The following DSCAM variants were observed in gnomAD, a reference collection of about 807,000 sequenced individuals.
DSCAM encodes DS cell adhesion molecule.
In DSCAM, 47 loss-of-function variants were observed where a neutral mutation model predicts 217.7. That is an observed-to-expected ratio of 0.22 (90% CI 0.17 to 0.28). The LOEUF is 0.28. Among genes scored for constraint, DSCAM ranks in the 10% least tolerant of loss-of-function variants. The probability of loss-of-function intolerance (pLI) is 1.00; values close to 1 mark genes in which losing one functional copy is unlikely to be tolerated. For missense variants in DSCAM, 2,080 were observed against 2,618.3 expected (o/e 0.79, Z 4.49); for synonymous variants, 1,056 against 1,015.3 (o/e 1.04, Z -0.76).
chr21:40,274,356 T>A (rs2123374798), intron 11 of DSCAM, among the ~76,000 whole-genome samples: 1 of 152,312 alleles, frequency 6.6e-6, no homozygotes, highest in Non-Finnish European at 1.5e-5. Flanking sequence ...TTGTAATCAG[T>A]GGCTTCTATC....
At chr21:40,614,975 T>C in intron 3 of DSCAM, among the ~76,000 whole-genome samples, 1 of 151,432 alleles carries the variant, frequency 6.6e-6, no homozygotes. Context: ...ACATTATGTA[T>C]ATATGTATGC....
intron 4 of DSCAM, among the ~76,000 whole-genome samples, chr21:40,359,677 G>C (rs991945637): frequency 1.2e-4 from 18 of 152,170 alleles, no homozygotes; most frequent in African/African-American, 4.1e-4. Context: ...AACAACATGG[G>C]TGCTGCATGA....
At chr21:40,357,822 T>C (rs574653255) in intron 4 of DSCAM, among the ~76,000 whole-genome samples, 1 of 151,264 alleles carries the variant, frequency 6.6e-6, no homozygotes, top group South Asian at 2.1e-4. Context: ...GTAACGAACC[T>C]GCACGTTGTG....
chr21:40,732,970 C>T (rs73360433), intron 1 of DSCAM, among the ~76,000 whole-genome samples: 7,676 of 152,196 alleles, frequency 0.05, 625 homozygotes, highest in African/African-American at 0.17. Flanking sequence ...GCAATTACAG[C>T]GACAGTTAAA....
At position 40,133,931 on chromosome 21, in the gene DSCAM, C is replaced by G. The variant is rs765535612; in HGVS notation, c.3485G>C (p.Ser1162Thr). The G allele has an allele frequency of 6.2e-7, 1 of 1,613,532 alleles. No homozygotes were observed. Among genetic ancestry groups the G allele is most frequent in the Non-Finnish European group, 8.5e-7 (1 of 1,179,736 alleles). The stretch of plus-strand genomic sequence containing the variant: ...GCGGGTGAAGGCCAGCACCTGGATG[C>G]TGTAGTTGGTGTACTTTTCCAGCCC... ...LDGLEKYTNYSIQVLAFTRAG... is the reference protein window; with the variant it reads ...LDGLEKYTNYTIQVLAFTRAG... The change falls in exon 19 of 33, where the codon AGC (serine) becomes ACC (threonine). Residue 1162 changes from serine (S) to threonine (T), a missense_variant. Transcript: ENST00000400454.
chr21:40,320,507 A>G (rs971049437), intron 8 of DSCAM, among the ~76,000 whole-genome samples: 23 of 152,212 alleles, frequency 1.5e-4, no homozygotes, highest in Non-Finnish European at 2.2e-4. Flanking sequence ...ATTCTTTAAA[A>G]TAATAAATTT....
At chr21:40,112,787 C>T (rs2146640253) in intron 20 of DSCAM, among the ~76,000 whole-genome samples, 2 of 152,276 alleles carry the variant, frequency 1.3e-5, no homozygotes, top group East Asian at 1.9e-4. Flanking sequence ...ACTATACACA[C>T]CTCTATGCAA....
At chr21:40,020,697 C>T (rs879892915) in intron 32 of DSCAM, among the ~76,000 whole-genome samples, 4 of 152,208 alleles carry the variant, frequency 2.6e-5, no homozygotes, top group Admixed American at 2.0e-4. Flanking sequence ...CACTTCCATG[C>T]CCTCCTTCTG....
intron 30 of DSCAM, among the ~76,000 whole-genome samples, chr21:40,049,742 TC>T (rs1471876196): frequency 6.6e-6 from 1 of 152,164 alleles, no homozygotes; most frequent in Non-Finnish European, 1.5e-5. Context: ...CACACGTCCC[TC>T]CCATGTGCGT....
chr21:40,425,133 C>T (rs2075459907), intron 3 of DSCAM, among the ~76,000 whole-genome samples: 1 of 152,088 alleles, frequency 6.6e-6, no homozygotes, highest in African/African-American at 2.4e-5. Flanking sequence ...AGTTTAATCT[C>T]TTACAGTTAT....
intron 3 of DSCAM, among the ~76,000 whole-genome samples, chr21:40,503,861 G>A (rs2076189331): frequency 6.6e-6 from 1 of 152,160 alleles, no homozygotes; most frequent in Non-Finnish European, 1.5e-5. Context: ...ATTTGACCTG[G>A]TAATTCAGGT....
intron 11 of DSCAM, among the ~76,000 whole-genome samples, chr21:40,227,587 G>C (rs979778311): frequency 1.3e-5 from 2 of 152,084 alleles, no homozygotes; most frequent in Admixed American, 6.6e-5. Context: ...GGTATTTTGA[G>C]GTCTGTAGCT....
chr21:40,247,475 C>A (rs1378697663), intron 11 of DSCAM, among the ~76,000 whole-genome samples: 4 of 152,168 alleles, frequency 2.6e-5, no homozygotes, highest in Admixed American at 2.6e-4. Flanking sequence ...TTAGCCAAAA[C>A]AAAGGGGCTA....
intron 1 of DSCAM, among the ~76,000 whole-genome samples, chr21:40,759,027 A>T (rs1023382710): frequency 1.3e-5 from 2 of 152,194 alleles, no homozygotes; most frequent in Non-Finnish European, 2.9e-5. Flanking sequence ...AGGGATCCGG[A>T]CTGCACAAGG....
chr21:40,361,299 T>G (rs575945977), intron 4 of DSCAM, among the ~76,000 whole-genome samples: 5 of 152,170 alleles, frequency 3.3e-5, no homozygotes, highest in African/African-American at 1.2e-4. Context: ...TTTTACTTTG[T>G]TTTTGGTGGT....
intron 3 of DSCAM, among the ~76,000 whole-genome samples, chr21:40,392,006 C>T (rs538773360): frequency 1.4e-4 from 22 of 152,288 alleles, no homozygotes; most frequent in African/African-American, 1.9e-4. Context: ...CGGTGAAATA[C>T]CCACCTGAGG....
intron 14 of DSCAM, among the ~76,000 whole-genome samples, chr21:40,186,615 G>A (rs1356215021): frequency 2.0e-5 from 3 of 152,128 alleles, no homozygotes; most frequent in Non-Finnish European, 4.4e-5. Context: ...CAGTGTCGCC[G>A]ATGGTCCCTG....
intron 6 of DSCAM, among the ~76,000 whole-genome samples, chr21:40,347,076 A>G (rs998712206): frequency 9.9e-5 from 15 of 152,238 alleles, no homozygotes; most frequent in Middle Eastern, 6.8e-3. Context: ...CGAGGCGGGC[A>G]GATCACCTGG....
intron 3 of DSCAM, among the ~76,000 whole-genome samples, chr21:40,610,994 T>C (rs1568936492): frequency 1.3e-5 from 2 of 152,030 alleles, no homozygotes; most frequent in South Asian, 4.1e-4. Context: ...ACTGCATATG[T>C]GGTTTCAGAT....
Sources: allele counts gnomAD v4.1 joint callset (sites outside exome capture counted in the v4.1 genomes callset), GRCh38; gene constraint gnomAD v4.1.1; transcripts MANE v1.5; gene names NCBI Gene and HGNC (gene_info 2026-07-23, HGNC 2026-07-21).